MYO16: variants seen among roughly 807,000 people sequenced by gnomAD.
MYO16 encodes the protein myosin XVI.
In MYO16, 94 loss-of-function variants were observed where a neutral mutation model predicts 205.3. The ratio of observed to expected loss-of-function variants is 0.46; its 90% CI spans 0.39 to 0.54. The LOEUF is 0.54. MYO16 is among the 20% of genes least tolerant of loss of function. The probability of loss-of-function intolerance (pLI) is 0.00; values close to 1 mark genes in which losing one functional copy is unlikely to be tolerated. For missense variants in MYO16, 2,315 were observed against 2,387.5 expected (o/e 0.97, Z 0.63); for synonymous variants, 988 against 954.0 (o/e 1.04, Z -0.66).
At chr13:109,098,398 G>A (rs1888844886) in intron 27 of MYO16, among the ~76,000 whole-genome samples, 1 of 152,156 alleles carries the variant, frequency 6.6e-6, no homozygotes, top group African/African-American at 2.4e-5. Flanking sequence ...CCCGCCACTT[G>A]CAGAAGCATT....
intron 16 of MYO16, among the ~76,000 whole-genome samples, chr13:108,940,365 C>T (rs373067601): frequency 9.2e-5 from 14 of 152,096 alleles, no homozygotes; most frequent in South Asian, 2.1e-4. Context: ...TTCCCTGTCA[C>T]GCTTCTGTGA....
In MYO16 at chr13:108,754,820, T is replaced by C. The variant is rs115461534; in HGVS notation, c.507+27237T>C. ...CTCTATCCCTTTCCTCAAGAAGCAT[T>C]TACAGTGTACATGGTATTAGTTTGG... is the stretch of plus-strand genomic sequence containing the variant. On this transcript the variant is annotated intron_variant, in intron 4 of 34. Coordinates refer to ENST00000457511, the MANE Select transcript of MYO16 (RefSeq NM_001198950.3). Among the ~76,000 whole-genome samples, 1,358 of 152,254 alleles carry C rather than the reference T, an allele frequency of 8.9e-3. 14 individuals carry two copies. Among genetic ancestry groups the C allele is most frequent in the African/African-American group, 0.031 (1,272 of 41,536 alleles).
Position 108,712,709 on chromosome 13 carries a change from C to T in MYO16, c.341C>T (p.Ser114Leu). 2 of 1,613,876 alleles carry T rather than the reference C, an allele frequency of 1.2e-6. No homozygotes were observed. Among genetic ancestry groups the T allele is most frequent in the Non-Finnish European group, 1.7e-6 (2 of 1,179,886 alleles). The change falls in exon 3 of 35, where the codon TCG (serine) becomes TTG (leucine). Residue 114 changes from serine to leucine, a missense_variant. By Grantham distance (145) the Ser-to-Leu change is moderately radical. Coordinates refer to ENST00000457511, the MANE Select transcript of MYO16 (RefSeq NM_001198950.3). ...GCAGACCCCCACACCCTCGTCTCCT[C>T]GGGAGGGTCCCTGCTCCATCTGGTA... ...EGADPHTLVS[S>L]GGSLLHLCAR...
chr13:109,022,690 G>A lies in MYO16; in HGVS notation c.2796+2779G>A, dbSNP rs867174780. Among the ~76,000 whole-genome samples, 244 of 83,260 alleles carry A rather than the reference G, an allele frequency of 2.9e-3. 42 individuals are homozygous for A. Among genetic ancestry groups the A allele is most frequent in the Admixed American group, 4.9e-3 (33 of 6,718 alleles). 54.6% of individuals were successfully genotyped at this position (83,260 alleles called of 152,430 possible). A position where few individuals can be genotyped will look rare whatever the true frequency, so the allele number is the denominator to read the frequency against. On this transcript the variant is annotated intron_variant, in intron 23 of 34. Transcript: ENST00000457511. ...ATATTATATATACACATATAAACAT[G>A]TATATATTTATATATTATATATACG...
At chr13:108,932,556 G>A (rs1882303787) in intron 16 of MYO16, among the ~76,000 whole-genome samples, 1 of 152,184 alleles carries the variant, frequency 6.6e-6, no homozygotes, top group Middle Eastern at 3.2e-3. Flanking sequence ...AAAATGATCA[G>A]GTGACGTGTG....
At chr13:108,713,400 T>A (rs1883800338) in intron 3 of MYO16, among the ~76,000 whole-genome samples, 1 of 152,216 alleles carries the variant, frequency 6.6e-6, no homozygotes, top group Non-Finnish European at 1.5e-5. Context: ...AGTAATGCTA[T>A]ATTTCTTCAC....
intron 27 of MYO16, among the ~76,000 whole-genome samples, chr13:109,072,027 A>G (rs1887939408): frequency 6.6e-6 from 1 of 152,212 alleles, no homozygotes; most frequent in African/African-American, 2.4e-5. Context: ...CCAATAAAGC[A>G]TACACATTCT....
intron 9 of MYO16, among the ~76,000 whole-genome samples, chr13:108,830,251 C>T (rs796660213): frequency 3.5e-5 from 4 of 113,658 alleles, no homozygotes; most frequent in Non-Finnish European, 5.8e-5. Flanking sequence ...CCAGCCATCC[C>T]ATTACTGGGT....
intron 27 of MYO16, among the ~76,000 whole-genome samples, chr13:109,095,520 C>G (rs1888750084): frequency 2.6e-5 from 4 of 152,114 alleles, no homozygotes; most frequent in Non-Finnish European, 5.9e-5. Flanking sequence ...AGTATGTCAT[C>G]CTGTCTGAGG....
intron 1 of MYO16, among the ~76,000 whole-genome samples, chr13:108,597,705 T>C (rs1878611723): frequency 6.6e-6 from 1 of 152,158 alleles, no homozygotes; most frequent in South Asian, 2.1e-4. Context: ...CAGTCAGCCA[T>C]GGTTTGCTTT....
At chr13:109,117,534 C>CAT (rs1163938990) in intron 28 of MYO16, among the ~76,000 whole-genome samples, 4 of 147,548 alleles carry the variant, frequency 2.7e-5, no homozygotes, top group East Asian at 2.0e-4. Context: ...TATACACACA[C>CAT]ATATATATAT....
intron 23 of MYO16, among the ~76,000 whole-genome samples, chr13:109,020,503 T>G (rs1438603565): frequency 6.6e-6 from 1 of 152,208 alleles, no homozygotes; most frequent in Non-Finnish European, 1.5e-5. Context: ...AGAACTCCCC[T>G]GTGCAAGATC....
intron 1 of MYO16, among the ~76,000 whole-genome samples, chr13:108,604,955 T>A (rs1333519496): frequency 2.6e-5 from 4 of 152,216 alleles, no homozygotes. Flanking sequence ...GGATTTGGAA[T>A]GTCCCAGCAG....
chr13:109,012,962 G>C (rs9587741), intron 22 of MYO16, among the ~76,000 whole-genome samples: 2 of 147,810 alleles, frequency 1.4e-5, no homozygotes, highest in Non-Finnish European at 3.0e-5. Context: ...TTTTTTTTTT[G>C]TTTTTGTTTT....
chr13:108,532,507 A>G, the MYO16 span, among the ~76,000 whole-genome samples: 1 of 151,692 alleles, frequency 6.6e-6, no homozygotes, highest in Non-Finnish European at 1.5e-5. Context: ...TTTTAAAACA[A>G]AAGAGGCTGG....
At chr13:108,584,884 T>G in the MYO16 span, among the ~76,000 whole-genome samples, 1 of 152,216 alleles carries the variant, frequency 6.6e-6, no homozygotes, top group African/African-American at 2.4e-5. Flanking sequence ...AAATCTGATC[T>G]TAGAGTTGGC....
At chr13:109,044,822 T>C (rs1282967864) in intron 23 of MYO16, among the ~76,000 whole-genome samples, 1 of 152,138 alleles carries the variant, frequency 6.6e-6, no homozygotes, top group Admixed American at 6.5e-5. Context: ...CCCAAGTACC[T>C]GGGATTACAG....
Position 108,870,352 on chromosome 13 carries a change from CT to C in MYO16, c.1425+4118del, listed in dbSNP as rs199809234. 5.4e-4 allele frequency among the ~76,000 whole-genome samples: 82 copies of C among 151,720 alleles called. 1 individual carries two copies. Among genetic ancestry groups the C allele is most frequent in the African/African-American group, 1.8e-3 (73 of 41,434 alleles). On this transcript the variant is annotated intron_variant, in intron 12 of 34. Coordinates refer to ENST00000457511, the MANE Select transcript of MYO16 (RefSeq NM_001198950.3). ...TGAAAAAGATAAGCCTCCAATTTTT[CT>C]TTTTTTTATTAAAAAAATCTTCTAT...
At chr13:108,991,042 G>A (rs903893117) in intron 20 of MYO16, among the ~76,000 whole-genome samples, 2 of 152,142 alleles carry the variant, frequency 1.3e-5, no homozygotes, top group Non-Finnish European at 2.9e-5. Flanking sequence ...TGTACCCATA[G>A]CGTACCCATT....
Sources: gnomAD v4.1 joint callset for allele counts (sites outside exome capture counted in the v4.1 genomes callset) on GRCh38, gnomAD v4.1.1 for gene constraint, MANE v1.5 for transcripts, NCBI Gene and HGNC (gene_info 2026-07-23, HGNC 2026-07-21) for gene names.